Variants in RNGTT observed in about 807,000 individuals in gnomAD.
RNGTT encodes the protein RNA guanylyltransferase and 5'-phosphatase, also known as mRNA-capping enzyme.
In RNGTT, 33 loss-of-function variants were observed where a neutral mutation model predicts 79.3. The ratio of observed to expected loss-of-function variants is 0.42; its 90% confidence interval spans 0.32 to 0.56. RNGTT has a LOEUF of 0.56. Among genes scored for constraint, RNGTT ranks in the 20% least tolerant of loss-of-function variants. RNGTT has a pLI of 0.17. For synonymous variants in RNGTT, 222 were observed against 235.9 expected (o/e 0.94, Z 0.54); for missense variants, 497 against 739.1 (o/e 0.67, Z 3.80).
intron 12 of RNGTT, among the ~76,000 whole-genome samples, chr6:88,792,128 T>C: frequency 6.6e-6 from 1 of 152,174 alleles, no homozygotes; most frequent in African/African-American, 2.4e-5. Context: ...GTTTTAGATA[T>C]TAAAAACTAG....
chr6:88,770,111 G>C (rs192055180), intron 12 of RNGTT, among the ~76,000 whole-genome samples: 3 of 152,258 alleles, frequency 2.0e-5, no homozygotes, highest in Non-Finnish European at 2.9e-5. Context: ...AATAAAACCA[G>C]TGATTCTATC....
At chr6:88,889,023 C>T (rs1782957988) in intron 8 of RNGTT, among the ~76,000 whole-genome samples, 3 of 151,926 alleles carry the variant, frequency 2.0e-5, no homozygotes, top group African/African-American at 2.4e-5. Flanking sequence ...AGTGAAAACC[C>T]GTCTCAAAAA....
intron 12 of RNGTT, among the ~76,000 whole-genome samples, chr6:88,771,336 T>TAA (rs1562244230): frequency 8.5e-6 from 1 of 118,256 alleles, no homozygotes; most frequent in African/African-American, 3.4e-5. Context: ...TATATATATA[T>TAA]ATATATATAT....
intron 14 of RNGTT, among the ~76,000 whole-genome samples, chr6:88,675,405 A>C (rs545141057): frequency 6.6e-6 from 1 of 152,186 alleles, no homozygotes; most frequent in East Asian, 1.9e-4. Context: ...AATAAAGAAA[A>C]AGCAGGCCAG....
At position 88,655,607 on chromosome 6, in the gene RNGTT, T is replaced by TA. The variant is rs113179041; in HGVS notation, c.1506+22745dup. Among the ~76,000 whole-genome samples the TA allele has an allele frequency of 2.1e-3, 321 of 151,616 alleles. 4 individuals are homozygous for TA. The highest frequency in any genetic ancestry group is 6.9e-3 in the African/African-American group (284 of 41,374). ...TGTACTGACTGAAAAATAACTGCCT[T>TA]AAAAAAAAATCCCATATAATGGTTA... is the stretch of plus-strand genomic sequence containing the variant. On this transcript the variant is annotated intron_variant, in intron 14 of 15. Transcript: ENST00000369485.
At chr6:88,739,786 C>G (rs972949302) in intron 13 of RNGTT, among the ~76,000 whole-genome samples, 1 of 98,850 alleles carries the variant, frequency 1.0e-5, no homozygotes, top group African/African-American at 3.6e-5. Context: ...TATGTTAACA[C>G]ATGCTCCATT....
chr6:88,650,301 C>A (rs981269676), intron 14 of RNGTT, among the ~76,000 whole-genome samples: 2 of 152,140 alleles, frequency 1.3e-5, no homozygotes, highest in African/African-American at 4.8e-5. Context: ...ACCCTGGGAA[C>A]CTTTTCTTGA....
intron 11 of RNGTT, among the ~76,000 whole-genome samples, chr6:88,816,688 CT>C (rs1226012514): frequency 6.6e-6 from 1 of 152,144 alleles, no homozygotes; most frequent in Non-Finnish European, 1.5e-5. Context: ...GTCATTCAAG[CT>C]TCCATTTGAA....
rs570085447 is a variant in RNGTT at position 88,612,434 on chromosome 6, A to G, written c.*285T>C. The G allele has an allele frequency of 4.2e-5, 10 of 239,512 alleles. No individual in the cohort carries two copies. In the Admixed American group the frequency reaches 4.8e-4, roughly 11 times the overall value. The allele number at this position is 239,512 out of a possible 1,614,324, so 14.8% of individuals were successfully genotyped here. ...CAAGGCCTCTTTTTCATTGATTTCC[A>G]TCTTGTTTAAACCTTTGGATATTTC... On this transcript the variant is annotated 3_prime_UTR_variant, in exon 16 of 16. Coordinates refer to ENST00000369485, the MANE Select transcript of RNGTT (RefSeq NM_003800.5).
intron 12 of RNGTT, among the ~76,000 whole-genome samples, chr6:88,795,390 C>G (rs561123168): frequency 6.6e-6 from 1 of 152,176 alleles, no homozygotes; most frequent in African/African-American, 2.4e-5. Flanking sequence ...AATCAAGACC[C>G]CTTGAATAGA....
chr6:88,861,077 G>A (rs1239413075), intron 8 of RNGTT, among the ~76,000 whole-genome samples: 1 of 152,018 alleles, frequency 6.6e-6, no homozygotes, highest in African/African-American at 2.4e-5. Context: ...TACTTTCTCT[G>A]TACATCTTTT....
rs114421555 is a variant in RNGTT at position 88,719,858 on chromosome 6, T to C, written c.1440-41439A>G. The stretch of plus-strand genomic sequence containing the variant: ...TTCAAAGATGACCTAACAGAATTCC[T>C]TGTCATCTTTCTTACTTTACATATG... On this transcript the variant is annotated intron_variant, in intron 13 of 15. Coordinates refer to ENST00000369485, the MANE Select transcript of RNGTT (RefSeq NM_003800.5). Among the ~76,000 whole-genome samples the C allele has an allele frequency of 4.5e-3, 688 of 152,330 alleles. 2 individuals are homozygous for C. Among genetic ancestry groups the C allele is most frequent in the African/African-American group, 0.016 (651 of 41,590 alleles).
At chr6:88,660,786 T>C (rs1774154904) in intron 14 of RNGTT, among the ~76,000 whole-genome samples, 1 of 152,082 alleles carries the variant, frequency 6.6e-6, no homozygotes, top group Non-Finnish European at 1.5e-5. Flanking sequence ...AAAGAAACAA[T>C]GGACTTAAAC....
chr6:88,664,413 G>C (rs1774311770), intron 14 of RNGTT, among the ~76,000 whole-genome samples: 1 of 152,156 alleles, frequency 6.6e-6, no homozygotes. Context: ...AAACGGGCTG[G>C]GTTTGCAGGT....
rs1410298263 is a variant in RNGTT at position 88,771,340 on chromosome 6, TATATATATATACACAC to T, written c.1339-1482_1339-1467del. On this transcript the variant is annotated intron_variant, in intron 12 of 15. Coordinates refer to ENST00000369485, the MANE Select transcript of RNGTT (RefSeq NM_003800.5). Reference sequence around the variant, plus strand: ...GTATATATATATATATATATATATATATATATATATACACACACACACACACACACAATTTCTTTTC... The same window carrying T: ...GTATATATATATATATATATATATATACACACACACACACAATTTCTTTTC... 6.8e-3 allele frequency among the ~76,000 whole-genome samples: 888 copies of T among 130,536 alleles called. 12 individuals are homozygous for T. The highest frequency in any genetic ancestry group is 0.026 in the African/African-American group (833 of 32,630). 85.6% of individuals were successfully genotyped at this position (130,536 alleles called of 152,430 possible).
At chr6:88,843,841 C>G (rs1388818290) in intron 11 of RNGTT, among the ~76,000 whole-genome samples, 1 of 150,840 alleles carries the variant, frequency 6.6e-6, no homozygotes, top group Non-Finnish European at 1.5e-5. Flanking sequence ...CAGGCATGAG[C>G]CACCGAGCCT....
chr6:88,860,111 G>A (rs1215868275), intron 8 of RNGTT, among the ~76,000 whole-genome samples: 1 of 152,192 alleles, frequency 6.6e-6, no homozygotes, highest in Non-Finnish European at 1.5e-5. Flanking sequence ...GACCATGTGA[G>A]AAATCACAGT....
intron 9 of RNGTT, among the ~76,000 whole-genome samples, chr6:88,852,710 C>A (rs1024541431): frequency 1.3e-5 from 2 of 152,130 alleles, no homozygotes; most frequent in Admixed American, 6.6e-5. Context: ...AGAACTATTT[C>A]TCAAACTTGC....
chr6:88,647,701 T>TAAAAAAAA (rs746472579), intron 14 of RNGTT, among the ~76,000 whole-genome samples: 117 of 100,830 alleles, frequency 1.2e-3, no homozygotes, highest in Middle Eastern at 4.8e-3. Flanking sequence ...GACACCCTGT[T>TAAAAAAAA]AAAAAAAAAA....
Sources: allele counts gnomAD v4.1 joint callset (sites outside exome capture counted in the v4.1 genomes callset), GRCh38; gene constraint gnomAD v4.1.1; transcripts MANE v1.5; gene names NCBI Gene and HGNC (gene_info 2026-07-23, HGNC 2026-07-21).